The following PLXND1 variants were observed in gnomAD, a reference collection of about 807,000 sequenced individuals.
PLXND1 encodes the protein plexin-D1.
PLXND1 carries 54 observed loss-of-function variants against 197.7 expected under a neutral mutation model. The observed-to-expected ratio is 0.27, with a 90% CI of 0.22 to 0.34. The LOEUF is 0.34. Among genes scored for constraint, PLXND1 ranks in the 10% least tolerant of loss-of-function variants. The pLI is 1.00. For missense variants in PLXND1, 2,127 were observed against 2,699.2 expected, an observed-to-expected ratio of 0.79 and a Z score of 4.70; for synonymous variants, 1,180 against 1,161.2, an observed-to-expected ratio of 1.02 and a Z score of -0.33.
intron 1 of PLXND1, among the ~76,000 whole-genome samples, chr3:129,596,478 G>C (rs2108801726): frequency 6.6e-6 from 1 of 152,216 alleles, no homozygotes; most frequent in Admixed American, 6.5e-5. Flanking sequence ...CCCTCCCCCT[G>C]GGTCCCAGAG....
At chr3:129,560,769 G>A in intron 29 of PLXND1, 46 bp from the exon 30 acceptor site, 1 of 1,046,246 alleles carries the variant, frequency 9.6e-7, no homozygotes. Context: ...GAGGAGAGGA[G>A]AGAAACAGAA....
intron 27 of PLXND1, chr3:129,562,443 G>A (rs1016942062): frequency 1.4e-4 from 34 of 247,034 alleles, no homozygotes; most frequent in African/African-American, 7.0e-4. Flanking sequence ...CCAGGAGGTC[G>A]AGGCTGCAGT....
intron 1 of PLXND1, among the ~76,000 whole-genome samples, chr3:129,596,530 C>T (rs1281907194): frequency 1.3e-5 from 2 of 152,102 alleles, no homozygotes; most frequent in African/African-American, 2.4e-5. Flanking sequence ...CTTCCCTGGC[C>T]CAGGGAAAAG....
Position 129,561,796 on chromosome 3 carries a change from G to A in PLXND1, c.4929+4C>T, listed in dbSNP as rs1426533055. ...GGAAATGGGGGCGGGGGGCAGGGCT[G>A]CACCTTGTAATGGGCCAGCGTGTTA... On this transcript the variant is annotated splice_donor_region_variant and intron_variant, in intron 28 of 35. Transcript: ENST00000324093. 2 of 1,607,302 alleles carry A rather than the reference G, an allele frequency of 1.2e-6. No individual in the cohort carries two copies. The highest frequency in any genetic ancestry group is 2.2e-5 in the South Asian group (2 of 90,942).
chr3:129,570,960 C>T, intron 18 of PLXND1, 25 bp from the exon 19 acceptor site: 4 of 1,614,030 alleles, frequency 2.5e-6, no homozygotes, highest in Non-Finnish European at 3.4e-6. Context: ...GGGGAGGATG[C>T]TCATGGGGAA....
Position 129,557,501 on chromosome 3 carries a change from C to T in PLXND1, c.5446-278G>A, listed in dbSNP as rs1350697575. On this transcript the variant is annotated intron_variant, in intron 33 of 35. Coordinates refer to ENST00000324093, the MANE Select transcript of PLXND1 (RefSeq NM_015103.3). This position sits in a 1 kb window ranked among gnomAD's most constrained non-coding sequence, Gnocchi z 4.8. ...CTACTTCTTTCAGGGGAAAAGTGCA[C>T]GGGCATGCCAGCTCTTCACTGCACG... Among the ~76,000 whole-genome samples the T allele has an allele frequency of 6.6e-6, 1 of 152,006 alleles. No homozygotes were observed. The highest frequency in any genetic ancestry group is 1.5e-5 in the Non-Finnish European group (1 of 68,026).
chr3:129,564,921 C>G (rs143838684), intron 25 of PLXND1, among the ~76,000 whole-genome samples: 62 of 152,368 alleles, frequency 4.1e-4, no homozygotes, highest in Middle Eastern at 3.4e-3. Flanking sequence ...AGGGAGGCCT[C>G]GTGAGCTGAG....
Position 129,569,858 on chromosome 3 carries a change from G to A in PLXND1, c.3850C>T (p.Leu1284=). ...VSIVICSVLL[L]LSVVALFVFC... Reference sequence around the variant, plus strand: ...GGCTCCTTACCCACCACGGAGAGCAGCAGCAGGACGCTGCAGATGACGATG... The same window carrying A: ...GGCTCCTTACCCACCACGGAGAGCAACAGCAGGACGCTGCAGATGACGATG... The change falls in exon 20 of 36, where the codon CTG becomes TTG. Residue 1284 remains leucine (L), a synonymous_variant. Coordinates refer to ENST00000324093, the MANE Select transcript of PLXND1 (RefSeq NM_015103.3). 1 of 1,602,140 alleles carries A rather than the reference G, an allele frequency of 6.2e-7. No individual in the cohort carries two copies. Among genetic ancestry groups the A allele is most frequent in the Non-Finnish European group, 8.6e-7 (1 of 1,169,234 alleles).
rs768351629 is a variant in PLXND1 at position 129,584,405 on chromosome 3, G to A, written c.2009C>T (p.Pro670Leu). 16 of 1,612,974 alleles carry A rather than the reference G, an allele frequency of 9.9e-6. No homozygotes were observed. Among genetic ancestry groups the A allele is most frequent in the East Asian group, 2.2e-5 (1 of 44,886 alleles). ...CTTACCCTGGTTGGGGGGGAAGGGC[G>A]GAAACTGGTCCCTCGGCAGGAGGTT... Reference protein sequence around the residue: ...YCNLLPRDQFPPFPPNQDHVT... With the variant: ...YCNLLPRDQFLPFPPNQDHVT... The change falls in exon 6 of 36, where the codon CCG (proline) becomes CTG (leucine). Residue 670 changes from proline (P) to leucine (L), a missense_variant. Around this residue, in one of 6 missense-constraint regions of PLXND1, gnomAD observed 1,095 missense variants for 1,259.8 expected, o/e 0.87. Transcript: ENST00000324093.
At chr3:129,568,456 A>G (rs2085175038) in intron 20 of PLXND1, among the ~76,000 whole-genome samples, 1 of 152,238 alleles carries the variant, frequency 6.6e-6, no homozygotes, top group Non-Finnish European at 1.5e-5. Context: ...TCTGCATTGA[A>G]TATACTCACT....
In PLXND1 at chr3:129,605,340, G is replaced by A. The variant is rs1424429715; in HGVS notation, c.1300C>T (p.Leu434Phe). 9.7e-6 allele frequency: 14 copies of A among 1,438,546 alleles called. No homozygotes were observed. The highest frequency in any genetic ancestry group is 1.3e-5 in the Non-Finnish European group (14 of 1,101,098). 89.1% of individuals were successfully genotyped at this position (1,438,546 alleles called of 1,614,324 possible). A position where few individuals can be genotyped will look rare whatever the true frequency, so the allele number is the denominator to read the frequency against. Residue 434 changes from leucine (L) to phenylalanine (F), a missense_variant, in exon 1 of 36, where the codon CTC becomes TTC. This residue lies in a region of PLXND1 where 1,095 missense variants were observed against 1,259.8 expected (regional missense o/e 0.87). Transcript: ENST00000324093. Reference sequence around the variant, plus strand: ...CCGCCCGGGTGTACCTGGATGTTGAGCTTGCGCTCACAGGCCGGTCCCGTG... The same window carrying A: ...CCGCCCGGGTGTACCTGGATGTTGAACTTGCGCTCACAGGCCGGTCCCGTG... ...QGTGPACERK[L>F]NIQLQPEQLD...
rs993645474 is a variant in PLXND1, at chr3:129,573,015, C to T, written c.2838-74G>A. The T allele has an allele frequency of 5.1e-6, 5 of 988,600 alleles. No homozygotes were observed. The African/African-American group carries it at 8.1e-5, about 16-fold the overall frequency. 61.2% of individuals were successfully genotyped at this position (988,600 alleles called of 1,614,324 possible). The stretch of plus-strand genomic sequence containing the variant: ...ACCCTAGAGCCAGGCTCAGGGATCG[C>T]CCCATTCCACGCCATGCCACACTTC... On this transcript the variant is annotated intron_variant, in intron 13 of 35. Transcript: ENST00000324093.
intron 9 of PLXND1, among the ~76,000 whole-genome samples, chr3:129,578,027 C>T (rs1303774965): frequency 6.6e-6 from 1 of 152,184 alleles, no homozygotes; most frequent in Non-Finnish European, 1.5e-5. Context: ...CACCCTCCGG[C>T]TGTGGCACGG....
intron 1 of PLXND1, among the ~76,000 whole-genome samples, chr3:129,594,407 C>T (rs2085590904): frequency 6.6e-6 from 1 of 152,148 alleles, no homozygotes; most frequent in African/African-American, 2.4e-5. Flanking sequence ...TCGCCTGAAG[C>T]CTGGAGGTCA....
At position 129,606,183 on chromosome 3, in the gene PLXND1, G is replaced by C. The variant is rs904188532; in HGVS notation, c.457C>G (p.Arg153Gly). ...IYQGFCQLRRRGNISAVAVRF... is the reference protein window; with the variant it reads ...IYQGFCQLRRGGNISAVAVRF... ...ACGGCCACGGCCGAGATGTTGCCCC[G>C]GCGCCGCAGCTGGCAGAAGCCCTGG... The change falls in exon 1 of 36, where the codon CGG becomes GGG. Residue 153 changes from arginine (R) to glycine (G), a missense_variant. By Grantham distance (125) the Arg-to-Gly change is moderately radical. Around this residue, in one of 6 missense-constraint regions of PLXND1, gnomAD observed 245 missense variants for 267.1 expected, o/e 0.92. Transcript: ENST00000324093. 1.9e-6 allele frequency: 3 copies of C among 1,551,258 alleles called. No homozygotes were observed. In the African/African-American group the frequency reaches 4.2e-5, roughly 22 times the overall value.
At chr3:129,565,578 C>T (rs11706162) in intron 24 of PLXND1, 40 bp from the exon 25 acceptor site, 1 of 1,561,604 alleles carries the variant, frequency 6.4e-7, no homozygotes, top group Non-Finnish European at 8.8e-7. Context: ...CCTTGAGGCC[C>T]TAGGAGCTGT....
chr3:129,593,261 C>T (rs2085573170), intron 1 of PLXND1, among the ~76,000 whole-genome samples: 1 of 152,182 alleles, frequency 6.6e-6, no homozygotes, highest in African/African-American at 2.4e-5. Flanking sequence ...TCCAGTCTCC[C>T]TCCTCCCTCT....
chr3:129,586,725 G>T lies in PLXND1; in HGVS notation c.1489-6C>A. Reference sequence around the variant, plus strand: ...ATGCTCTCGTTCAGGTTGATCTGTGGGGGTAGTGGGCATCAGGGTGCTGGA... The same window carrying T: ...ATGCTCTCGTTCAGGTTGATCTGTGTGGGTAGTGGGCATCAGGGTGCTGGA... On this transcript the variant is annotated splice_region_variant and splice_polypyrimidine_tract_variant and intron_variant, in intron 2 of 35. Transcript: ENST00000324093. 6.3e-7 allele frequency: 1 copy of T among 1,599,730 alleles called. No homozygotes were observed. Among genetic ancestry groups the T allele is most frequent in the African/African-American group, 1.3e-5 (1 of 74,888 alleles).
Position 129,574,369 on chromosome 3 carries a change from C to T in PLXND1, c.2652G>A (p.Met884Ile), listed in dbSNP as rs538923633. The T allele has an allele frequency of 2.6e-5, 42 of 1,609,956 alleles. No individual in the cohort carries two copies. In the East Asian group the frequency reaches 8.7e-4, roughly 33 times the overall value. The change falls in exon 12 of 36, where the codon ATG becomes ATA. Residue 884 changes from methionine to isoleucine, a missense_variant. Physicochemically the swap from Met to Ile is conservative, Grantham distance 10 (BLOSUM62 1). Coordinates refer to ENST00000324093, the MANE Select transcript of PLXND1 (RefSeq NM_015103.3). ...TCTCGGGGGCGGGGCAGGTGCCAGC[C>T]ATGGGCTGCAGAGGCCCCCGCAGGC... ...GCRLRGPLQP[M>I]AGTCPAPEIH...
Sources: gnomAD v4.1 joint callset for allele counts (sites outside exome capture counted in the v4.1 genomes callset) on GRCh38, gnomAD v4.1.1 for gene constraint, gnomAD v4.1.1 regional missense constraint, Gnocchi (gnomAD v3.1) non-coding constraint, MANE v1.5 for transcripts, NCBI Gene and HGNC (gene_info 2026-07-23, HGNC 2026-07-21) for gene names.